The following PBX4 variants were observed in gnomAD, a reference collection of about 807,000 sequenced individuals.
The protein encoded by PBX4 is pre-B-cell leukemia transcription factor 4.
In PBX4, 26 loss-of-function variants were observed where a neutral mutation model predicts 35.1. That is an observed-to-expected ratio of 0.74 (90% CI 0.54 to 1.03). The LOEUF is 1.03. Ranked by LOEUF, PBX4 falls within the 50% of genes least tolerant of loss-of-function variation. PBX4 has a pLI of 0.00. For missense variants in PBX4, 448 were observed against 504.3 expected (o/e 0.89, Z 1.07); for synonymous variants, 199 against 204.2 (o/e 0.97, Z 0.22).
intron 2 of PBX4, among the ~76,000 whole-genome samples, chr19:19,586,236 A>G (rs1204633220): frequency 6.6e-6 from 1 of 152,026 alleles, no homozygotes; most frequent in Non-Finnish European, 1.5e-5. Context: ...CAACACAGCA[A>G]GACCCCCATC....
intron 2 of PBX4, among the ~76,000 whole-genome samples, chr19:19,573,736 G>GTT (rs71170696): frequency 4.0e-5 from 6 of 150,602 alleles, no homozygotes; most frequent in Non-Finnish European, 8.9e-5. Context: ...TCCTTTTTTT[G>GTT]TTTTTTTTTC....
chr19:19,598,297 CTTTT>C (rs34977299), intron 2 of PBX4, among the ~76,000 whole-genome samples: 3 of 129,240 alleles, frequency 2.3e-5, no homozygotes, highest in Non-Finnish European at 4.8e-5. Context: ...CTTTTCTTTC[CTTTT>C]TTTTTTTTTT....
At chr19:19,609,576 C>T (rs915915284) in intron 1 of PBX4, among the ~76,000 whole-genome samples, 1 of 144,868 alleles carries the variant, frequency 6.9e-6, no homozygotes, top group African/African-American at 2.6e-5. Context: ...AAGAGCCAGG[C>T]GCAGTGATTC....
intron 2 of PBX4, among the ~76,000 whole-genome samples, chr19:19,587,515 G>A (rs1008407169): frequency 1.3e-5 from 2 of 150,034 alleles, no homozygotes; most frequent in Non-Finnish European, 3.0e-5. Flanking sequence ...TTGACCCCGG[G>A]AGGCAGAGGT....
chr19:19,610,548 C>T (rs974647968), intron 1 of PBX4, among the ~76,000 whole-genome samples: 4 of 152,166 alleles, frequency 2.6e-5, no homozygotes, highest in Admixed American at 2.6e-4. Flanking sequence ...GTCAGGAGTT[C>T]AAGACCAGCC....
At position 19,569,658 on chromosome 19, in the gene PBX4, A is replaced by G; in HGVS notation, c.633-74T>C. 3 of 1,524,434 alleles carry G rather than the reference A, an allele frequency of 2.0e-6. No homozygotes were observed. The Admixed American group carries it at 6.1e-5, about 31-fold the overall frequency. The allele number at this position is 1,524,434 out of a possible 1,614,324, so 94.4% of individuals were successfully genotyped here. A position where few individuals can be genotyped will look rare whatever the true frequency, so the allele number is the denominator to read the frequency against. On this transcript the variant is annotated intron_variant, in intron 4 of 7. Transcript: ENST00000251203. ...ACCACCCCCACCTCTAGTTCTGAGT[A>G]TGATTTTCCAGTAGTTCTGAAAACA...
chr19:19,590,092 C>T (rs997920367), intron 2 of PBX4, among the ~76,000 whole-genome samples: 16 of 152,280 alleles, frequency 1.1e-4, no homozygotes, highest in Admixed American at 6.5e-4. Flanking sequence ...AATTCACATG[C>T]CATATAATTC....
intron 1 of PBX4, among the ~76,000 whole-genome samples, chr19:19,603,295 G>C (rs1011402522): frequency 6.6e-6 from 1 of 152,054 alleles, no homozygotes. Flanking sequence ...GTAAGTCAAA[G>C]GGGTTTTTTT....
intron 1 of PBX4, among the ~76,000 whole-genome samples, chr19:19,613,545 G>A (rs1429055589): frequency 6.6e-6 from 1 of 151,886 alleles, no homozygotes; most frequent in Admixed American, 6.6e-5. Flanking sequence ...ATTGCTGCAA[G>A]GAAAATGCAG....
chr19:19,613,869 C>T (rs1046800160), intron 1 of PBX4, among the ~76,000 whole-genome samples: 2 of 152,108 alleles, frequency 1.3e-5, no homozygotes, highest in South Asian at 2.1e-4. Flanking sequence ...ACGGAAGGCA[C>T]CCTCTCCTGG....
chr19:19,595,091 G>A lies in PBX4; in HGVS notation c.193+4201C>T, dbSNP rs546847377. On this transcript the variant is annotated intron_variant, in intron 2 of 7. Coordinates refer to ENST00000251203, the MANE Select transcript of PBX4 (RefSeq NM_025245.3). ...CCAGATGTTGCATTGCTAAACATCC[G>A]CTGTGGGCAGTGGGGAGCCCCCAAA... Among the ~76,000 whole-genome samples, 224 of 152,252 alleles carry A rather than the reference G, an allele frequency of 1.5e-3. 1 individual carries two copies. The highest frequency in any genetic ancestry group is 1.1e-3 in the Non-Finnish European group (75 of 68,014).
intron 1 of PBX4, among the ~76,000 whole-genome samples, chr19:19,600,816 C>CAAAAAAAAAAAAAA (rs35643130): frequency 1.1e-5 from 1 of 88,744 alleles, no homozygotes; most frequent in African/African-American, 4.4e-5. Flanking sequence ...GACTCCATCT[C>CAAAAAAAAAAAAAA]AAAAAAAAAA....
At chr19:19,585,741 G>A (rs150618940) in intron 2 of PBX4, among the ~76,000 whole-genome samples, 2,291 of 152,166 alleles carry the variant, frequency 0.015, 78 homozygotes, top group South Asian at 0.076. Context: ...CCTTAAGAAG[G>A]TTCTTTGTAA....
rs1600386543 is a variant in PBX4, at chr19:19,561,729, A to G, written c.*296T>C. 1 of 267,764 alleles carries G rather than the reference A, an allele frequency of 3.7e-6. No individual in the cohort carries two copies. Among genetic ancestry groups the G allele is most frequent in the African/African-American group, 2.2e-5 (1 of 45,244 alleles). 16.6% of individuals were successfully genotyped at this position (267,764 alleles called of 1,614,324 possible). A position where few individuals can be genotyped will look rare whatever the true frequency, so the allele number is the denominator to read the frequency against. ...ACATCGGAATTAAAATAAGTCAAAA[A>G]TTTTAATGGGAAAATCTGTGCCCAG... is the stretch of plus-strand genomic sequence containing the variant. On this transcript the variant is annotated 3_prime_UTR_variant, in exon 8 of 8. Transcript: ENST00000251203.
At chr19:19,594,985 G>A (rs2144762147) in intron 2 of PBX4, among the ~76,000 whole-genome samples, 1 of 152,294 alleles carries the variant, frequency 6.6e-6, no homozygotes, top group Non-Finnish European at 1.5e-5. Flanking sequence ...GCCTCCCAAA[G>A]TGCTGGGATT....
intron 2 of PBX4, among the ~76,000 whole-genome samples, chr19:19,572,640 G>A (rs1600402524): frequency 6.6e-6 from 1 of 151,430 alleles, no homozygotes; most frequent in South Asian, 2.1e-4. Flanking sequence ...CAAGGTGGGC[G>A]GATCACCTGA....
Position 19,570,796 on chromosome 19 carries a change from AG to A in PBX4, c.230del (p.Pro77LeufsTer6), listed in dbSNP as rs749987427. 6.2e-7 allele frequency: 1 copy of A among 1,614,100 alleles called. No individual in the cohort carries two copies. The highest frequency in any genetic ancestry group is 8.5e-7 in the Non-Finnish European group (1 of 1,180,028). ...TATCCAGCCTCAGGAGCTGGGCGTC[AG>A]GGGGATCTTCGTCTTGAATGCCACG... ...SIRGIQDEDP[P>X]DAQLLRLDNM... On this transcript the variant is annotated frameshift_variant, in exon 3 of 8. Coordinates refer to ENST00000251203, the MANE Select transcript of PBX4 (RefSeq NM_025245.3). LOFTEE classifies it high-confidence loss of function.
chr19:19,576,036 CATGT>C (rs1295848007), intron 2 of PBX4, among the ~76,000 whole-genome samples: 1 of 152,120 alleles, frequency 6.6e-6, no homozygotes, highest in Non-Finnish European at 1.5e-5. Context: ...TGTGTGTGTT[CATGT>C]GGGTGTGAAA....
chr19:19,563,118 T>C lies in PBX4; in HGVS notation c.1032+391A>G, dbSNP rs1361815053. ...TGCCTTCCCAGCCAAGCTGCGGCAC[T>C]GAGGTCTGAGCCCGAGGGAAGGCCC... On this transcript the variant is annotated intron_variant, in intron 7 of 7. Coordinates refer to ENST00000251203, the MANE Select transcript of PBX4 (RefSeq NM_025245.3). This position sits in a 1 kb window ranked among gnomAD's most constrained non-coding sequence, Gnocchi z 5.1. 6.6e-6 allele frequency among the ~76,000 whole-genome samples: 1 copy of C among 152,176 alleles called. No homozygotes were observed. Among genetic ancestry groups the C allele is most frequent in the Non-Finnish European group, 1.5e-5 (1 of 68,032 alleles).
Sources: allele counts gnomAD v4.1 joint callset (sites outside exome capture counted in the v4.1 genomes callset), GRCh38; gene constraint gnomAD v4.1.1; non-coding constraint Gnocchi (gnomAD v3.1); transcripts MANE v1.5; gene names NCBI Gene and HGNC (gene_info 2026-07-23, HGNC 2026-07-21).